ZFP36: variants seen among roughly 807,000 people sequenced by gnomAD.
The protein encoded by ZFP36 is ZFP36 zinc finger CCCH-type, also known as mRNA decay activator protein ZFP36.
In ZFP36, 13 loss-of-function variants were observed where a neutral mutation model predicts 19.8. The ratio of observed to expected loss-of-function variants is 0.66; its 90% CI spans 0.43 to 1.04. The LOEUF (loss-of-function observed/expected upper bound fraction) is 1.04, where lower values mean the gene tolerates loss of function less well. Ranked by LOEUF, ZFP36 falls within the 50% of genes least tolerant of loss-of-function variation. The pLI is 0.00. For synonymous variants in ZFP36, 191 were observed against 194.5 expected (o/e 0.98, Z 0.15); for missense variants, 354 against 441.6 (o/e 0.80, Z 1.78).
Position 39,407,583 on chromosome 19 carries a change from C to A in ZFP36, c.25-160C>A. On this transcript the variant is annotated intron_variant, in intron 1 of 1. Transcript: ENST00000597629. The surrounding 1 kb of genome is among the most constrained non-coding windows in gnomAD (Gnocchi z 7.6). ...TCGGTGGTGGGTAAACTCAGAACCT[C>A]CAACTCTGGGTTCCTGGCATCCGGA... is the stretch of plus-strand genomic sequence containing the variant. The A allele has an allele frequency of 1.6e-6, 1 of 645,094 alleles. No homozygotes were observed. The highest frequency in any genetic ancestry group is 2.6e-6 in the Non-Finnish European group (1 of 386,554). 40.0% of individuals were successfully genotyped at this position (645,094 alleles called of 1,614,324 possible).
rs200646053 is a variant in ZFP36, at chr19:39,408,620, C to T, written c.902C>T (p.Ala301Val). The change falls in exon 2 of 2, where the codon GCG becomes GTG. Residue 301 changes from alanine (A) to valine (V), a missense_variant. Transcript: ENST00000597629. This position sits in a 1 kb window ranked among gnomAD's most constrained non-coding sequence, Gnocchi z 6.0. Reference protein sequence around the residue: ...LGGSDSPVFEAGVFAPPQPVA... With the variant: ...LGGSDSPVFEVGVFAPPQPVA... ...GGCTCTGACTCTCCCGTCTTCGAGGCGGGAGTTTTTGCACCACCCCAGCCC... is the reference window on the plus strand; with the variant it reads ...GGCTCTGACTCTCCCGTCTTCGAGGTGGGAGTTTTTGCACCACCCCAGCCC... 1.1e-5 allele frequency: 17 copies of T among 1,608,086 alleles called. No individual in the cohort carries two copies. Among genetic ancestry groups the T allele is most frequent in the Middle Eastern group, 3.3e-4 (2 of 6,004 alleles).
In ZFP36 at chr19:39,407,126, C is replaced by T. The variant is rs888945937; in HGVS notation, c.24+198C>T. On this transcript the variant is annotated intron_variant, in intron 1 of 1. Transcript: ENST00000597629. The surrounding 1 kb of genome is among the most constrained non-coding windows in gnomAD (Gnocchi z 7.6). ...GATTTGGAGGTGAAAATGGAACCCG[C>T]GACACCCGGCTCTTCGCTCAAACAT... The T allele has an allele frequency of 3.1e-5, 18 of 576,124 alleles. No individual in the cohort carries two copies. The highest frequency in any genetic ancestry group is 4.7e-5 in the Non-Finnish European group (16 of 337,852). The allele number at this position is 576,124 out of a possible 1,614,324, so 35.7% of individuals were successfully genotyped here. A position where few individuals can be genotyped will look rare whatever the true frequency, so the allele number is the denominator to read the frequency against.
chr19:39,408,468 C>A lies in ZFP36; in HGVS notation c.750C>A (p.Cys250Ter). 1 of 1,608,424 alleles carries A rather than the reference C, an allele frequency of 6.2e-7. No individual in the cohort carries two copies. Residue 250 changes from cysteine to a stop codon, truncating the protein, a stop_gained, in exon 2 of 2, where the codon TGC becomes TGA. Coordinates refer to ENST00000597629, the MANE Select transcript of ZFP36 (RefSeq NM_003407.5). LOFTEE classifies it high-confidence loss of function. The surrounding 1 kb of genome is among the most constrained non-coding windows in gnomAD (Gnocchi z 6.0). ...GAAGAGACCCCACCCCAGTCTGTTG[C>A]CCCTCCTGCCGAAGGGCCACTCCTA... is the stretch of plus-strand genomic sequence containing the variant. ...LARRDPTPVCCPSCRRATPIS... is the reference protein window; with the variant it reads ...LARRDPTPVC
In ZFP36 at chr19:39,408,620, C is replaced by A. The variant is rs200646053; in HGVS notation, c.902C>A (p.Ala301Glu). Residue 301 changes from alanine (A) to glutamate (E), a missense_variant, in exon 2 of 2, where the codon GCG (alanine) becomes GAG (glutamate). By Grantham distance (107) the Ala-to-Glu change is moderately radical. Coordinates refer to ENST00000597629, the MANE Select transcript of ZFP36 (RefSeq NM_003407.5). This position sits in a 1 kb window ranked among gnomAD's most constrained non-coding sequence, Gnocchi z 6.0. ...GGCTCTGACTCTCCCGTCTTCGAGG[C>A]GGGAGTTTTTGCACCACCCCAGCCC... ...LGGSDSPVFE[A>E]GVFAPPQPVA... is the part of the protein sequence containing the mutation. The A allele has an allele frequency of 5.6e-6, 9 of 1,608,090 alleles. No individual in the cohort carries two copies. In the Admixed American group the frequency reaches 6.8e-5, roughly 12 times the overall value.
rs1253956700 is a variant in ZFP36 at position 39,409,403 on chromosome 19, T to A, written c.*704T>A. The A allele has an allele frequency of 1.3e-5, 2 of 152,570 alleles. No homozygotes were observed. The highest frequency in any genetic ancestry group is 3.8e-4 in the East Asian group (2 of 5,202). 9.5% of individuals were successfully genotyped at this position (152,570 alleles called of 1,614,324 possible). A position where few individuals can be genotyped will look rare whatever the true frequency, so the allele number is the denominator to read the frequency against. ...GGCATTTTTAAATAAACAATCTGAG[T>A]GTAAGCTGGGATCCTGGCTTCTTCG... On this transcript the variant is annotated 3_prime_UTR_variant, in exon 2 of 2. Coordinates refer to ENST00000597629, the MANE Select transcript of ZFP36 (RefSeq NM_003407.5).
In ZFP36 at chr19:39,407,762, C is replaced by G; in HGVS notation, c.44C>G (p.Pro15Arg). ...CCGCAGAGCCTCCTGTCGCTGAGCC[C>G]TGACGTGCCCGTGCCATCCGACCAT... Reference protein sequence around the residue: ...AIYESLLSLSPDVPVPSDHGG... With the variant: ...AIYESLLSLSRDVPVPSDHGG... The change falls in exon 2 of 2, where the codon CCT becomes CGT. Residue 15 changes from proline to arginine, a missense_variant. Pro to Arg is a moderately radical substitution (Grantham distance 103). Transcript: ENST00000597629. This position sits in a 1 kb window ranked among gnomAD's most constrained non-coding sequence, Gnocchi z 7.6. The G allele has an allele frequency of 1.3e-6, 2 of 1,546,798 alleles. No individual in the cohort carries two copies. The highest frequency in any genetic ancestry group is 1.7e-6 in the Non-Finnish European group (2 of 1,151,686).
At position 39,408,137 on chromosome 19, in the gene ZFP36, C is replaced by A. The variant is rs2078487048; in HGVS notation, c.419C>A (p.Pro140His). The A allele has an allele frequency of 6.2e-7, 1 of 1,613,994 alleles. No homozygotes were observed. The highest frequency in any genetic ancestry group is 2.2e-5 in the East Asian group (1 of 44,878). Reference protein sequence around the residue: ...LGELRQANRHPKYKTELCHKF... With the variant: ...LGELRQANRHHKYKTELCHKF... Reference sequence around the variant, plus strand: ...GAGCTGCGCCAGGCCAATCGCCACCCCAAATACAAGACGGAACTCTGTCAC... The same window carrying A: ...GAGCTGCGCCAGGCCAATCGCCACCACAAATACAAGACGGAACTCTGTCAC... Residue 140 changes from proline (P) to histidine (H), a missense_variant, in exon 2 of 2, where the codon CCC (proline) becomes CAC (histidine). By Grantham distance (77) the Pro-to-His change is moderately conservative. Coordinates refer to ENST00000597629, the MANE Select transcript of ZFP36 (RefSeq NM_003407.5). The surrounding 1 kb of genome is among the most constrained non-coding windows in gnomAD (Gnocchi z 6.0).
In ZFP36 at chr19:39,408,527, G is replaced by A; in HGVS notation, c.809G>A (p.Arg270Gln). The A allele has an allele frequency of 1.2e-6, 2 of 1,606,550 alleles. No homozygotes were observed. The highest frequency in any genetic ancestry group is 1.7e-6 in the Non-Finnish European group (2 of 1,176,214). The change falls in exon 2 of 2, where the codon CGG (arginine) becomes CAG (glutamine). Residue 270 changes from arginine (R) to glutamine (Q), a missense_variant. By Grantham distance (43) the Arg-to-Gln change is conservative. Transcript: ENST00000597629. The surrounding 1 kb of genome is among the most constrained non-coding windows in gnomAD (Gnocchi z 6.0). ...SVWGPLGGLV[R>Q]TPSVQSLGSD... Reference sequence around the variant, plus strand: ...TGGGGGCCCTTGGGTGGCCTGGTTCGGACCCCCTCTGTACAGTCCCTGGGA... The same window carrying A: ...TGGGGGCCCTTGGGTGGCCTGGTTCAGACCCCCTCTGTACAGTCCCTGGGA...
In ZFP36 at chr19:39,408,078, C is replaced by T; in HGVS notation, c.360C>T (p.Tyr120=). 1.9e-6 allele frequency: 3 copies of T among 1,613,968 alleles called. No individual in the cohort carries two copies. The highest frequency in any genetic ancestry group is 2.5e-6 in the Non-Finnish European group (3 of 1,180,028). The change falls in exon 2 of 2, where the codon TAC becomes TAT. Residue 120 remains tyrosine (Y), a synonymous_variant. Transcript: ENST00000597629. This position sits in a 1 kb window ranked among gnomAD's most constrained non-coding sequence, Gnocchi z 6.0. ...TCTCAGAGAGTGGGCGCTGCCGCTACGGGGCCAAGTGCCAGTTTGCCCATG... is the reference window on the plus strand; with the variant it reads ...TCTCAGAGAGTGGGCGCTGCCGCTATGGGGCCAAGTGCCAGTTTGCCCATG... ...RTFSESGRCR[Y]GAKCQFAHGL...
Position 39,408,612 on chromosome 19 carries a change from C to T in ZFP36, c.894C>T (p.Val298=), listed in dbSNP as rs777881567. 2.5e-6 allele frequency: 4 copies of T among 1,610,758 alleles called. No homozygotes were observed. Among genetic ancestry groups the T allele is most frequent in the South Asian group, 2.2e-5 (2 of 90,752 alleles). Residue 298 remains valine (V), a synonymous_variant, in exon 2 of 2, where the codon GTC becomes GTT. Coordinates refer to ENST00000597629, the MANE Select transcript of ZFP36 (RefSeq NM_003407.5). The surrounding 1 kb of genome is among the most constrained non-coding windows in gnomAD (Gnocchi z 6.0). ...GSSLGGSDSP[V]FEAGVFAPPQ... is the part of the protein sequence containing the mutation. Reference sequence around the variant, plus strand: ...GCCTGGGGGGCTCTGACTCTCCCGTCTTCGAGGCGGGAGTTTTTGCACCAC... The same window carrying T: ...GCCTGGGGGGCTCTGACTCTCCCGTTTTCGAGGCGGGAGTTTTTGCACCAC...
At chr19:39,406,969 T>G (rs775477315) in intron 1 of ZFP36, 41 bp downstream of exon 1, 17 of 1,605,222 alleles carry the variant, frequency 1.1e-5, no homozygotes, top group Non-Finnish European at 1.4e-5. Context: ...CCTGCATGCC[T>G]GAGTCCGAGT....
chr19:39,408,029 A>G lies in ZFP36; in HGVS notation c.311A>G (p.Tyr104Cys). The G allele has an allele frequency of 6.2e-7, 1 of 1,613,560 alleles. No individual in the cohort carries two copies. The highest frequency in any genetic ancestry group is 8.5e-7 in the Non-Finnish European group (1 of 1,179,976). ...GCAACCTCCACCACCCCCTCGCGCT[A>G]CAAGACTGAGCTATGTCGGACCTTC... ...PTATSTTPSR[Y>C]KTELCRTFSE... Residue 104 changes from tyrosine (Y) to cysteine (C), a missense_variant, in exon 2 of 2, where the codon TAC becomes TGC. By Grantham distance (194) the Tyr-to-Cys change is radical. Transcript: ENST00000597629. This position sits in a 1 kb window ranked among gnomAD's most constrained non-coding sequence, Gnocchi z 6.0.
At position 39,408,282 on chromosome 19, in the gene ZFP36, C is replaced by T. The variant is rs570538599; in HGVS notation, c.564C>T (p.Ser188=). The change falls in exon 2 of 2, where the codon TCC becomes TCT. Residue 188 remains serine (S), a synonymous_variant. Coordinates refer to ENST00000597629, the MANE Select transcript of ZFP36 (RefSeq NM_003407.5). This position sits in a 1 kb window ranked among gnomAD's most constrained non-coding sequence, Gnocchi z 6.0. ...TGCTTCGCCAGAGCATCAGCTTCTCCGGCCTGCCCTCTGGCCGCCGGACCT... is the reference window on the plus strand; with the variant it reads ...TGCTTCGCCAGAGCATCAGCTTCTCTGGCCTGCCCTCTGGCCGCCGGACCT... The part of the protein sequence containing the change: ...PPVLRQSISF[S]GLPSGRRTSP... The T allele has an allele frequency of 5.6e-6, 9 of 1,613,434 alleles. No homozygotes were observed. The highest frequency in any genetic ancestry group is 5.0e-5 in the Admixed American group (3 of 60,022).
At position 39,407,172 on chromosome 19, in the gene ZFP36, G is replaced by T. The variant is rs1415378939; in HGVS notation, c.24+244G>T. ...AACATGGGTGGGGCGGCCCATGCAAGTGGAAAGTCGGAGAACTTTTCTCAG... is the reference window on the plus strand; with the variant it reads ...AACATGGGTGGGGCGGCCCATGCAATTGGAAAGTCGGAGAACTTTTCTCAG... On this transcript the variant is annotated intron_variant, in intron 1 of 1. Coordinates refer to ENST00000597629, the MANE Select transcript of ZFP36 (RefSeq NM_003407.5). The surrounding 1 kb of genome is among the most constrained non-coding windows in gnomAD (Gnocchi z 7.6). 3.7e-6 allele frequency: 2 copies of T among 542,020 alleles called. No individual in the cohort carries two copies. The highest frequency in any genetic ancestry group is 6.5e-6 in the Non-Finnish European group (2 of 309,356). The allele number at this position is 542,020 out of a possible 1,614,324, so 33.6% of individuals were successfully genotyped here. A position where few individuals can be genotyped will look rare whatever the true frequency, so the allele number is the denominator to read the frequency against.
At position 39,407,841 on chromosome 19, in the gene ZFP36, C is replaced by A. The variant is rs745390149; in HGVS notation, c.123C>A (p.Ser41Arg). ...GCTCCTCGGGACCCTGGAGCCTGAG[C>A]CCCTCCGACTCCAGCCCGTCTGGGG... ...GWGSSGPWSL[S>R]PSDSSPSGVT... The change falls in exon 2 of 2, where the codon AGC becomes AGA. Residue 41 changes from serine to arginine, a missense_variant. Coordinates refer to ENST00000597629, the MANE Select transcript of ZFP36 (RefSeq NM_003407.5). This position sits in a 1 kb window ranked among gnomAD's most constrained non-coding sequence, Gnocchi z 7.6. 12 of 1,606,552 alleles carry A rather than the reference C, an allele frequency of 7.5e-6. No homozygotes were observed. In the South Asian group the frequency reaches 1.1e-4, roughly 15 times the overall value.
chr19:39,408,970 A>C lies in ZFP36; in HGVS notation c.*271A>C. The C allele has an allele frequency of 6.0e-6, 2 of 333,818 alleles. No individual in the cohort carries two copies. Among genetic ancestry groups the C allele is most frequent in the Non-Finnish European group, 1.1e-5 (2 of 182,228 alleles). The allele number at this position is 333,818 out of a possible 1,614,324, so 20.7% of individuals were successfully genotyped here. ...GTAGCATATTTAAGGGAGGCAATGA[A>C]CCCTCTCCCCCACCTCTTCCCTGCC... On this transcript the variant is annotated 3_prime_UTR_variant, in exon 2 of 2. Transcript: ENST00000597629. This position sits in a 1 kb window ranked among gnomAD's most constrained non-coding sequence, Gnocchi z 6.0.
rs775220127 is a variant in ZFP36, at chr19:39,408,440, C to T, written c.722C>T (p.Ala241Val). 1 of 1,612,276 alleles carries T rather than the reference C, an allele frequency of 6.2e-7. No individual in the cohort carries two copies. The highest frequency in any genetic ancestry group is 1.1e-5 in the South Asian group (1 of 90,884). Residue 241 changes from alanine to valine, a missense_variant, in exon 2 of 2, where the codon GCT (alanine) becomes GTT (valine). Coordinates refer to ENST00000597629, the MANE Select transcript of ZFP36 (RefSeq NM_003407.5). The surrounding 1 kb of genome is among the most constrained non-coding windows in gnomAD (Gnocchi z 6.0). ...TCTGCTGCCCCTGGCACCCCCCTGG[C>T]TCGAAGAGACCCCACCCCAGTCTGT... is the stretch of plus-strand genomic sequence containing the variant. ...AFSAAPGTPL[A>V]RRDPTPVCCP... is the part of the protein sequence containing the mutation.
chr19:39,407,464 CA>C lies in ZFP36; in HGVS notation c.25-275del. Reference sequence around the variant, plus strand: ...TCATATCCGGGGAGGACAAGAGACCCAAAATTGGGAAACAGTGGTGCGCCCT... The same window carrying C: ...TCATATCCGGGGAGGACAAGAGACCCAAATTGGGAAACAGTGGTGCGCCCT... On this transcript the variant is annotated intron_variant, in intron 1 of 1. Transcript: ENST00000597629. The surrounding 1 kb of genome is among the most constrained non-coding windows in gnomAD (Gnocchi z 7.6). The C allele has an allele frequency of 4.7e-6, 2 of 428,772 alleles. No homozygotes were observed. The highest frequency in any genetic ancestry group is 4.1e-6 in the Non-Finnish European group (1 of 242,308). 26.6% of individuals were successfully genotyped at this position (428,772 alleles called of 1,614,324 possible).
Position 39,407,542 on chromosome 19 carries a change from C to T in ZFP36, c.25-201C>T, listed in dbSNP as rs1360941373. Reference sequence around the variant, plus strand: ...GCCGGGGAAGCCGGGATTCCTGGGTCCCTCGGGATAAGGCCTCGGTGGTGG... The same window carrying T: ...GCCGGGGAAGCCGGGATTCCTGGGTTCCTCGGGATAAGGCCTCGGTGGTGG... On this transcript the variant is annotated intron_variant, in intron 1 of 1. Transcript: ENST00000597629. This position sits in a 1 kb window ranked among gnomAD's most constrained non-coding sequence, Gnocchi z 7.6. 3 of 511,570 alleles carry T rather than the reference C, an allele frequency of 5.9e-6. No homozygotes were observed. Among genetic ancestry groups the T allele is most frequent in the Non-Finnish European group, 1.0e-5 (3 of 291,408 alleles). The allele number at this position is 511,570 out of a possible 1,614,324, so 31.7% of individuals were successfully genotyped here. A position where few individuals can be genotyped will look rare whatever the true frequency, so the allele number is the denominator to read the frequency against.
Sources: gnomAD v4.1 joint callset for allele counts on GRCh38, gnomAD v4.1.1 for gene constraint, Gnocchi (gnomAD v3.1) non-coding constraint, MANE v1.5 for transcripts, NCBI Gene and HGNC (gene_info 2026-07-23, HGNC 2026-07-21) for gene names.